The following TXNRD3 variants were observed in gnomAD, a reference collection of about 807,000 sequenced individuals.
The protein encoded by TXNRD3 is thioredoxin reductase 3.
Under a neutral mutation model 78.2 loss-of-function variants are expected in TXNRD3, and 68 were observed. The ratio of observed to expected loss-of-function variants is 0.87; its 90% CI spans 0.72 to 1.06. The LOEUF (loss-of-function observed/expected upper bound fraction) is 1.06. Ranked by LOEUF, TXNRD3 falls within the 50% of genes least tolerant of loss-of-function variation. The pLI is 0.00. For missense variants in TXNRD3, 751 were observed against 809.5 expected (o/e 0.93, Z 0.88); for synonymous variants, 296 against 300.1 (o/e 0.99, Z 0.14).
chr3:126,624,889 G>T, intron 10 of TXNRD3: 1 of 214,728 alleles, frequency 4.7e-6, no homozygotes. Flanking sequence ...GGAGTGCTTA[G>T]TCTTGGAACT....
At chr3:126,634,393 G>A (rs533756971) in intron 6 of TXNRD3, among the ~76,000 whole-genome samples, 2 of 152,126 alleles carry the variant, frequency 1.3e-5, no homozygotes, top group Non-Finnish European at 2.9e-5. Flanking sequence ...CCACTCCATG[G>A]GACCTACTTT....
intron 6 of TXNRD3, among the ~76,000 whole-genome samples, chr3:126,640,014 C>G (rs1379271648): frequency 1.3e-5 from 2 of 152,044 alleles, no homozygotes; most frequent in East Asian, 3.9e-4. Context: ...ATTGAGTTGA[C>G]TGGAGAAATG....
At chr3:126,608,361 A>C (rs145405048) in intron 15 of TXNRD3, 138 bp downstream of exon 15, 3 of 1,070,666 alleles carry the variant, frequency 2.8e-6, no homozygotes, top group African/African-American at 3.2e-5. Context: ...ACCCTGTCTG[A>C]AAAAAATAAA....
At position 126,607,958 on chromosome 3, in the gene TXNRD3, CCAAAGTCGTGAA is replaced by C; in HGVS notation, c.1867_1878del (p.Phe623_Leu626del). The C allele has an allele frequency of 6.6e-7, 1 of 1,504,358 alleles. No homozygotes were observed. Among genetic ancestry groups the C allele is most frequent in the South Asian group, 1.3e-5 (1 of 79,828 alleles). The allele number at this position is 1,504,358 out of a possible 1,614,324, so 93.2% of individuals were successfully genotyped here. A position where few individuals can be genotyped will look rare whatever the true frequency, so the allele number is the denominator to read the frequency against. On this transcript the variant is annotated inframe_deletion, in exon 16 of 16. Coordinates refer to ENST00000524230, the MANE Select transcript of TXNRD3 (RefSeq NM_052883.3). ...TCTAGTCCTGACGACTTTGTGATTT[CCAAAGTCGTGAA>C]CACCTGTTCAAGAGAAAGAAAACAA...
At chr3:126,638,029 C>G (rs559490622) in intron 6 of TXNRD3, among the ~76,000 whole-genome samples, 1 of 144,702 alleles carries the variant, frequency 6.9e-6, no homozygotes, top group East Asian at 2.1e-4. Flanking sequence ...CTGCAACCTC[C>G]GCCTCCTGGG....
intron 14 of TXNRD3, among the ~76,000 whole-genome samples, chr3:126,610,595 A>C (rs956060364): frequency 1.3e-5 from 2 of 152,238 alleles, no homozygotes; most frequent in Non-Finnish European, 2.9e-5. Flanking sequence ...CAGTCTGTTT[A>C]TAAAATGCAT....
In TXNRD3 at chr3:126,607,169, A is replaced by G. The variant is rs1406960707; in HGVS notation, c.*736T>C. The stretch of plus-strand genomic sequence containing the variant: ...ATTAAAAACTTTTGGAAATAATACT[A>G]TTAAGATGAACATGAAAAAGCAATT... On this transcript the variant is annotated 3_prime_UTR_variant, in exon 16 of 16. Transcript: ENST00000524230. 6.6e-6 allele frequency: 1 copy of G among 152,250 alleles called. No homozygotes were observed. The highest frequency in any genetic ancestry group is 2.4e-5 in the African/African-American group (1 of 41,466). 9.4% of individuals were successfully genotyped at this position (152,250 alleles called of 1,614,324 possible).
intron 12 of TXNRD3, among the ~76,000 whole-genome samples, chr3:126,616,846 G>C (rs1938331036): frequency 1.3e-5 from 2 of 152,122 alleles, no homozygotes; most frequent in Non-Finnish European, 1.5e-5. Context: ...CATCAGCCTA[G>C]ATTCTTACAC....
rs566700413 is a variant in TXNRD3 at position 126,646,208 on chromosome 3, C to G, written c.317G>C (p.Arg106Thr). The change falls in exon 3 of 16, where the codon AGG becomes ACG. Residue 106 changes from arginine to threonine, a missense_variant. Transcript: ENST00000524230. ...GATTTCTGACAGCACTTCTTGAACC[C>G]TGGCCCCATCATCTAAAGAAGAAAA... 8 of 1,515,774 alleles carry G rather than the reference C, an allele frequency of 5.3e-6. No homozygotes were observed. The Middle Eastern group carries it at 8.5e-4, about 161-fold the overall frequency. The allele number at this position is 1,515,774 out of a possible 1,614,324, so 93.9% of individuals were successfully genotyped here.
At chr3:126,644,476 A>C in intron 3 of TXNRD3, 75 bp from the exon 4 acceptor site, 1 of 948,222 alleles carries the variant, frequency 1.1e-6, no homozygotes, top group Non-Finnish European at 1.6e-6. Flanking sequence ...CCCTATGTTC[A>C]ACTGGTATGG....
intron 10 of TXNRD3, 105 bp from the exon 11 acceptor site, chr3:126,622,645 TACAA>T (rs1193109337): frequency 2.4e-6 from 2 of 820,858 alleles, no homozygotes; most frequent in East Asian, 2.8e-5. Flanking sequence ...AATGGAATAT[TACAA>T]ACAATCTATG....
intron 1 of TXNRD3, among the ~76,000 whole-genome samples, chr3:126,654,050 A>AT (rs1933450936): frequency 6.6e-6 from 1 of 152,040 alleles, no homozygotes; most frequent in African/African-American, 2.4e-5. Flanking sequence ...GAAATTTTGC[A>AT]TAGTGGTTAA....
At chr3:126,622,306 G>A (rs1485968227) in intron 11 of TXNRD3, among the ~76,000 whole-genome samples, 158 bp downstream of exon 11, 1 of 152,208 alleles carries the variant, frequency 6.6e-6, no homozygotes, top group African/African-American at 2.4e-5. Context: ...TTAAGTAAGA[G>A]TTACTGATTG....
chr3:126,641,631 T>C (rs1933091280), intron 6 of TXNRD3, among the ~76,000 whole-genome samples: 1 of 152,220 alleles, frequency 6.6e-6, no homozygotes, highest in African/African-American at 2.4e-5. Flanking sequence ...AGCCAATACA[T>C]GTTTACTAGA....
Position 126,646,195 on chromosome 3 carries a change from C to A in TXNRD3, c.330G>T (p.Val110=), listed in dbSNP as rs1212773608. ...TTTTCTGATTAGTGATTTCTGACAG[C>A]ACTTCTTGAACCCTGGCCCCATCAT... is the stretch of plus-strand genomic sequence containing the variant. The change falls in exon 3 of 16, where the codon GTG becomes GTT. Residue 110 remains valine (V), a synonymous_variant. Transcript: ENST00000524230. The A allele has an allele frequency of 2.0e-6, 3 of 1,534,642 alleles. No individual in the cohort carries two copies. The South Asian group carries it at 3.6e-5, about 18-fold the overall frequency.
rs1317956143 is a variant in TXNRD3 at position 126,654,929 on chromosome 3, C to G, written c.62G>C (p.Arg21Pro). The G allele has an allele frequency of 6.9e-6, 9 of 1,297,372 alleles. No homozygotes were observed. Among genetic ancestry groups the G allele is most frequent in the Non-Finnish European group, 7.8e-6 (8 of 1,029,490 alleles). The allele number at this position is 1,297,372 out of a possible 1,614,324, so 80.4% of individuals were successfully genotyped here. Reference sequence around the variant, plus strand: ...GCGCGCCCCTCGGACATGGCCCGAGCGGCGGTTGGGGGCATCGCCCGCCTT... The same window carrying G: ...GCGCGCCCCTCGGACATGGCCCGAGGGGCGGTTGGGGGCATCGCCCGCCTT... The change falls in exon 1 of 16, where the codon CGC (arginine) becomes CCC (proline). Residue 21 changes from arginine to proline, a missense_variant. Physicochemically the swap from Arg to Pro is moderately radical, Grantham distance 103. Coordinates refer to ENST00000524230, the MANE Select transcript of TXNRD3 (RefSeq NM_052883.3).
Position 126,607,723 on chromosome 3 carries a change from G to C in TXNRD3, c.*182C>G. ...CTTCTCGCTGTCAGCAAGACCACAA[G>C]GCAGATGCCCACTGCTGTCCTCTTT... On this transcript the variant is annotated 3_prime_UTR_variant, in exon 16 of 16. Transcript: ENST00000524230. The C allele has an allele frequency of 2.5e-6, 1 of 393,766 alleles. No homozygotes were observed. Among genetic ancestry groups the C allele is most frequent in the Non-Finnish European group, 4.4e-6 (1 of 225,530 alleles). The allele number at this position is 393,766 out of a possible 1,614,324, so 24.4% of individuals were successfully genotyped here.
In TXNRD3 at chr3:126,621,727, C is replaced by T; in HGVS notation, c.1524+15G>A. The T allele has an allele frequency of 6.7e-7, 1 of 1,482,282 alleles. No homozygotes were observed. The highest frequency in any genetic ancestry group is 8.9e-7 in the Non-Finnish European group (1 of 1,126,364). The allele number at this position is 1,482,282 out of a possible 1,614,324, so 91.8% of individuals were successfully genotyped here. A position where few individuals can be genotyped will look rare whatever the true frequency, so the allele number is the denominator to read the frequency against. On this transcript the variant is annotated intron_variant, in intron 12 of 15. Transcript: ENST00000524230. ...CTTGATCAGGACATTATCTCAAAAA[C>T]AGTAAGAAACTTACCTTTTCTAAAG...
chr3:126,650,623 AG>A (rs1234268301), intron 1 of TXNRD3, among the ~76,000 whole-genome samples: 7 of 152,008 alleles, frequency 4.6e-5, no homozygotes, highest in East Asian at 1.9e-4. Context: ...CCTGGGCAAC[AG>A]AGCAAGACCC....
Sources: allele counts gnomAD v4.1 joint callset (sites outside exome capture counted in the v4.1 genomes callset), GRCh38; gene constraint gnomAD v4.1.1; transcripts MANE v1.5; gene names NCBI Gene and HGNC (gene_info 2026-07-23, HGNC 2026-07-21).